The following PHKA2 variants were observed in gnomAD, a reference collection of about 807,000 sequenced individuals.
PHKA2 encodes the protein phosphorylase b kinase regulatory subunit alpha, liver isoform.
A neutral mutation model predicts 102.0 loss-of-function variants in PHKA2; 31 were observed. The ratio of observed to expected loss-of-function variants is 0.30; its 90% CI spans 0.23 to 0.41. The LOEUF (loss-of-function observed/expected upper bound fraction) is 0.41, where lower values mean the gene tolerates loss of function less well. Among genes scored for constraint, PHKA2 ranks in the 10% least tolerant of loss-of-function variants. PHKA2 has a pLI of 1.00. For synonymous variants in PHKA2, 455 were observed against 416.2 expected, an observed-to-expected ratio of 1.09 and a Z score of -1.13; for missense variants, 858 against 1,023.1, an observed-to-expected ratio of 0.84 and a Z score of 2.20.
chrX:18,895,708 T>G (rs756230997), intron 30 of PHKA2: 1 of 122,982 alleles, frequency 8.1e-6, no homozygotes, highest in East Asian at 2.2e-4. Context: ...TTTTTCATAA[T>G]AGAAATATCT....
chrX:18,897,402 G>A (rs904331040), intron 29 of PHKA2, 69 bp from the exon 30 acceptor site: 10 of 1,063,284 alleles, frequency 9.4e-6, no homozygotes, highest in East Asian at 9.2e-5. Context: ...GCGCCATCTC[G>A]AAGGGCGGCC....
At chrX:18,908,127 G>A in intron 21 of PHKA2, 71 bp from the exon 22 acceptor site, 1 of 1,056,826 alleles carries the variant, frequency 9.5e-7, no homozygotes, top group Non-Finnish European at 1.3e-6. Flanking sequence ...GGATCACTGT[G>A]CATTTTGCAC....
intron 4 of PHKA2, among the ~76,000 whole-genome samples, chrX:18,950,543 G>A: frequency 8.9e-6 from 1 of 112,838 alleles, no homozygotes; most frequent in East Asian, 2.8e-4. Context: ...CCTCTCTGCA[G>A]GTTACAGGCA....
chrX:18,973,249 T>C (rs747316756), intron 1 of PHKA2, among the ~76,000 whole-genome samples: 23 of 111,683 alleles, frequency 2.1e-4, no homozygotes, highest in African/African-American at 7.2e-4. Flanking sequence ...AGGTGATCCA[T>C]CCGCCTCGGC....
At chrX:18,901,305 A>G (rs1377735802) in intron 27 of PHKA2, among the ~76,000 whole-genome samples, 180 bp downstream of exon 27, 1 of 110,907 alleles carries the variant, frequency 9.0e-6, no homozygotes. Context: ...AAGGGTGCGC[A>G]TGACCGGCTC....
chrX:18,949,075 T>C (rs993152857), intron 4 of PHKA2, among the ~76,000 whole-genome samples: 1 of 111,281 alleles, frequency 9.0e-6, no homozygotes, highest in Non-Finnish European at 1.9e-5. Context: ...TGTGTGCCTA[T>C]GAGTAGAAAG....
chrX:18,938,862 C>T (rs1435200558), intron 9 of PHKA2, 113 bp from the exon 10 acceptor site: 1 of 686,051 alleles, frequency 1.5e-6, no homozygotes, highest in African/African-American at 2.1e-5. Flanking sequence ...TTGAAGTTGG[C>T]ATGAGTAGGA....
At chrX:18,907,589 T>G (rs1235254547) in intron 22 of PHKA2, among the ~76,000 whole-genome samples, 2 of 111,814 alleles carry the variant, frequency 1.8e-5, no homozygotes. Context: ...ATATTAATGA[T>G]CACTGTACTG....
intron 1 of PHKA2, among the ~76,000 whole-genome samples, chrX:18,970,555 C>T (rs774877959): frequency 2.1e-4 from 24 of 112,351 alleles, no homozygotes; most frequent in African/African-American, 6.8e-4. Context: ...AATTGAAGAA[C>T]AGTCAGATTG....
At chrX:18,958,542 T>G (rs1471649987) in intron 1 of PHKA2, among the ~76,000 whole-genome samples, 1 of 110,650 alleles carries the variant, frequency 9.0e-6, no homozygotes, top group Non-Finnish European at 1.9e-5. Context: ...TAATTTTTTG[T>G]CAGTCTGATG....
At chrX:18,973,069 C>G (rs1306164788) in intron 1 of PHKA2, among the ~76,000 whole-genome samples, 1 of 110,756 alleles carries the variant, frequency 9.0e-6, no homozygotes, top group Non-Finnish European at 1.9e-5. Context: ...GTAGCATGAT[C>G]TTGGCTCACT....
At chrX:18,934,079 T>C (rs2048354651) in intron 11 of PHKA2, among the ~76,000 whole-genome samples, 1 of 111,882 alleles carries the variant, frequency 8.9e-6, no homozygotes, top group Non-Finnish European at 1.9e-5. Context: ...TTACCTCTCA[T>C]TACCAATTCG....
In PHKA2 at chrX:18,941,852, T is replaced by C. The variant is rs374139032; in HGVS notation, c.718-177A>G. ...CACTGTATATCCAGCCAATGATTCC[T>C]ATTCCTCAGGCGAGAAGTCAGGGCT... On this transcript the variant is annotated intron_variant, in intron 7 of 32. Transcript: ENST00000379942. Among the ~76,000 whole-genome samples, 14 of 113,029 alleles carry C rather than the reference T, an allele frequency of 1.2e-4. No homozygotes were observed. The East Asian group carries it at 2.5e-3, about 20-fold the overall frequency.
At chrX:18,982,783 G>C (rs1407870234) in intron 1 of PHKA2, among the ~76,000 whole-genome samples, 2 of 111,912 alleles carry the variant, frequency 1.8e-5, no homozygotes, top group African/African-American at 6.5e-5. Flanking sequence ...TCAGTGAGCC[G>C]AGATCGCGCC....
intron 1 of PHKA2, among the ~76,000 whole-genome samples, chrX:18,975,823 C>T (rs1314263970): frequency 9.0e-6 from 1 of 110,935 alleles, no homozygotes; most frequent in Admixed American, 9.7e-5. Flanking sequence ...ATTCATTCTG[C>T]TTTGCTCCTT....
intron 30 of PHKA2, 196 bp from the exon 31 acceptor site, chrX:18,895,387 T>C (rs952764296): frequency 1.7e-5 from 8 of 471,325 alleles, no homozygotes; most frequent in Non-Finnish European, 2.6e-5. Flanking sequence ...GATGGAACAA[T>C]TCTAGGGAAC....
At chrX:18,953,455 C>T (rs747964276) in intron 2 of PHKA2, among the ~76,000 whole-genome samples, 2 of 112,002 alleles carry the variant, frequency 1.8e-5, no homozygotes, top group Non-Finnish European at 3.8e-5. Flanking sequence ...AAATTAGAAA[C>T]GTATTTTTAA....
Position 18,899,189 on chromosome X carries a change from T to G in PHKA2, c.3095A>C (p.His1032Pro). The change falls in exon 29 of 33, where the codon CAT (histidine) becomes CCT (proline). Residue 1032 changes from histidine (H) to proline (P), a missense_variant. His to Pro is a moderately conservative substitution (Grantham distance 77). This residue lies in a region of PHKA2 where 671 missense variants were observed against 745.2 expected (regional missense o/e 0.90). Coordinates refer to ENST00000379942, the MANE Select transcript of PHKA2 (RefSeq NM_000292.3). Reference protein sequence around the residue: ...SVGQAASSSAHSSKSARSSTP... With the variant: ...SVGQAASSSAPSSKSARSSTP... ...CACTGTTACCGCAGACTTGGAGGAA[T>G]GCGCACTGCTGGACGCGGCCTGGCC... 8.3e-7 allele frequency: 1 copy of G among 1,209,681 alleles called. No homozygotes were observed. Among genetic ancestry groups the G allele is most frequent in the Middle Eastern group, 2.3e-4 (1 of 4,349 alleles).
chrX:18,967,127 T>C (rs1051363126), intron 1 of PHKA2, among the ~76,000 whole-genome samples: 4 of 111,232 alleles, frequency 3.6e-5, no homozygotes, highest in Middle Eastern at 4.7e-3. Context: ...GCAAAGATCT[T>C]GGGTTTGCTG....
Sources: allele counts gnomAD v4.1 joint callset (sites outside exome capture counted in the v4.1 genomes callset), GRCh38; gene constraint gnomAD v4.1.1; regional missense constraint gnomAD v4.1.1; transcripts MANE v1.5; gene names NCBI Gene and HGNC (gene_info 2026-07-23, HGNC 2026-07-21).